Variants in AKT3 observed in about 807,000 individuals in gnomAD.
AKT3 encodes AKT serine/threonine kinase 3.
A neutral mutation model predicts 65.3 loss-of-function variants in AKT3; 15 were observed. That is an observed-to-expected ratio of 0.23 (90% confidence interval 0.15 to 0.35). The LOEUF is 0.35. Ranked by LOEUF, AKT3 falls within the 10% of genes least tolerant of loss-of-function variation. AKT3 has a pLI of 1.00. For missense variants in AKT3, 243 were observed against 576.5 expected (o/e 0.42, Z 5.92); for synonymous variants, 206 against 183.8 (o/e 1.12, Z -0.98).
chr1:243,592,234 C>T (rs1187122034), intron 8 of AKT3, among the ~76,000 whole-genome samples: 2 of 151,962 alleles, frequency 1.3e-5, no homozygotes, highest in Non-Finnish European at 2.9e-5. Context: ...ACTCTGGAGG[C>T]TGAGGCAGGA....
chr1:243,818,019 T>C lies in AKT3; in HGVS notation c.46+25106A>G, dbSNP rs1693629410. On this transcript the variant is annotated intron_variant, in intron 2 of 13. Transcript: ENST00000673466. ...AGTATATTCTCATTCTTTGCTTCAT[T>C]CATTCATTCAACAGTTTTTGAGGAC... 2.0e-5 allele frequency: 3 copies of C among 152,246 alleles called. No homozygotes were observed. In the East Asian group the frequency reaches 5.8e-4, roughly 29 times the overall value. 9.4% of individuals were successfully genotyped at this position (152,246 alleles called of 1,614,324 possible).
chr1:243,664,997 T>G (rs1558697863), intron 3 of AKT3, 114 bp from the exon 4 acceptor site: 3 of 437,956 alleles, frequency 6.8e-6, no homozygotes, highest in Non-Finnish European at 1.2e-5. Flanking sequence ...CTCACAGCTT[T>G]CTATGGTTCT....
chr1:243,812,859 G>T (rs1438516197), intron 2 of AKT3, among the ~76,000 whole-genome samples: 1 of 152,110 alleles, frequency 6.6e-6, no homozygotes, highest in Non-Finnish European at 1.5e-5. Context: ...ATGAGTTCAT[G>T]TCCTTTGTAG....
intron 2 of AKT3, among the ~76,000 whole-genome samples, chr1:243,766,335 TA>T (rs1359095675): frequency 6.6e-6 from 1 of 151,722 alleles, no homozygotes; most frequent in Non-Finnish European, 1.5e-5. Context: ...AGAAAGAAAA[TA>T]AAAAAGAAAA....
chr1:243,508,750 C>A (rs1669833265), intron 13 of AKT3, among the ~76,000 whole-genome samples: 1 of 147,428 alleles, frequency 6.8e-6, no homozygotes, highest in African/African-American at 2.6e-5. Context: ...AGTGCAGCTT[C>A]TGCCTCCCGG....
intron 12 of AKT3, among the ~76,000 whole-genome samples, chr1:243,515,402 A>G (rs542508888): frequency 1.3e-5 from 2 of 151,770 alleles, no homozygotes; most frequent in African/African-American, 4.8e-5. Flanking sequence ...AAAAAAAAAA[A>G]CCCAATTCCT....
At chr1:243,788,310 T>C (rs1451693436) in intron 2 of AKT3, among the ~76,000 whole-genome samples, 1 of 152,210 alleles carries the variant, frequency 6.6e-6, no homozygotes, top group Non-Finnish European at 1.5e-5. Context: ...ATCTTGGTCA[T>C]ATTCTAAAAG....
intron 9 of AKT3, among the ~76,000 whole-genome samples, chr1:243,567,105 C>T (rs943779754): frequency 6.6e-6 from 1 of 152,020 alleles, no homozygotes; most frequent in Admixed American, 6.6e-5. Context: ...CATGGTGAAA[C>T]CCTGTCTCTA....
chr1:243,536,950 C>G (rs765276245), intron 12 of AKT3, among the ~76,000 whole-genome samples: 1 of 152,146 alleles, frequency 6.6e-6, no homozygotes, highest in Non-Finnish European at 1.5e-5. Context: ...ATCTGTTCTA[C>G]TCCTCTGGCC....
At chr1:243,713,660 C>A (rs943135462) in intron 2 of AKT3, among the ~76,000 whole-genome samples, 1 of 150,444 alleles carries the variant, frequency 6.6e-6, no homozygotes, top group Non-Finnish European at 1.5e-5. Context: ...ATCCTACCCC[C>A]CTAAACAGAC....
intron 5 of AKT3, among the ~76,000 whole-genome samples, chr1:243,642,455 GC>G (rs919101579): frequency 5.9e-5 from 9 of 152,086 alleles, no homozygotes; most frequent in African/African-American, 2.2e-4. Context: ...GACTACAGGC[GC>G]CCGCCACCAC....
At chr1:243,545,104 T>C (rs1051327673) in intron 12 of AKT3, among the ~76,000 whole-genome samples, 1 of 152,228 alleles carries the variant, frequency 6.6e-6, no homozygotes. Context: ...AACAAATTTC[T>C]TTAAATTTCT....
intron 4 of AKT3, among the ~76,000 whole-genome samples, chr1:243,654,567 C>T (rs1278831304): frequency 1.3e-5 from 2 of 152,110 alleles, no homozygotes; most frequent in African/African-American, 4.8e-5. Context: ...GATCCTCCTG[C>T]CTCAGCCTTC....
Position 243,501,002 on chromosome 1 carries a change from G to A in AKT3, c.*4247C>T. 2 of 229,024 alleles carry A rather than the reference G, an allele frequency of 8.7e-6. 1 individual carries two copies. The highest frequency in any genetic ancestry group is 1.7e-5 in the Non-Finnish European group (2 of 115,544). The allele number at this position is 229,024 out of a possible 1,614,324, so 14.2% of individuals were successfully genotyped here. A position where few individuals can be genotyped will look rare whatever the true frequency, so the allele number is the denominator to read the frequency against. Reference sequence around the variant, plus strand: ...AAAATAGCACCTTTAAAGAATTATAGAGGTCACTTTTTTTTAGCCTCCTGG... The same window carrying A: ...AAAATAGCACCTTTAAAGAATTATAAAGGTCACTTTTTTTTAGCCTCCTGG... On this transcript the variant is annotated 3_prime_UTR_variant, in exon 14 of 14. Coordinates refer to ENST00000673466, the MANE Select transcript of AKT3 (RefSeq NM_005465.7).
rs867607897 is a variant in AKT3, at chr1:243,792,310, C to T, written c.46+50815G>A. Among the ~76,000 whole-genome samples the T allele has an allele frequency of 2.0e-5, 3 of 149,014 alleles. No individual in the cohort carries two copies. The Middle Eastern group carries it at 0.011, about 525-fold the overall frequency. The stretch of plus-strand genomic sequence containing the variant: ...GTGGGGAAACAATTTATTCACTTAA[C>T]TCAAAAATATGTCTCCAATGCTGCC... On this transcript the variant is annotated intron_variant, in intron 2 of 13. Coordinates refer to ENST00000673466, the MANE Select transcript of AKT3 (RefSeq NM_005465.7).
chr1:243,680,435 G>C (rs1314983600), intron 3 of AKT3, among the ~76,000 whole-genome samples: 1 of 151,984 alleles, frequency 6.6e-6, no homozygotes, highest in Non-Finnish European at 1.5e-5. Flanking sequence ...CTCTTCCCCT[G>C]CATTTCATTT....
intron 2 of AKT3, among the ~76,000 whole-genome samples, chr1:243,768,752 T>C (rs1385827587): frequency 2.6e-5 from 4 of 151,466 alleles, no homozygotes; most frequent in Admixed American, 2.6e-4. Context: ...GGAGAATCAC[T>C]TGAACCGAGG....
chr1:243,795,194 G>A (rs571327334), intron 2 of AKT3, among the ~76,000 whole-genome samples: 2 of 147,918 alleles, frequency 1.4e-5, no homozygotes, highest in Admixed American at 1.3e-4. Context: ...GTGTTAGATT[G>A]TTTGCTCATA....
intron 2 of AKT3, among the ~76,000 whole-genome samples, chr1:243,769,014 C>G (rs374544300): frequency 2.2e-5 from 1 of 45,752 alleles, no homozygotes; most frequent in South Asian, 6.7e-4. Context: ...ATTCCCTCAT[C>G]CCCTCATCTC....
Sources: gnomAD v4.1 joint callset for allele counts (sites outside exome capture counted in the v4.1 genomes callset) on GRCh38, gnomAD v4.1.1 for gene constraint, MANE v1.5 for transcripts, NCBI Gene and HGNC (gene_info 2026-07-23, HGNC 2026-07-21) for gene names.